SLC4A8: variants seen among roughly 807,000 people sequenced by gnomAD.
The protein encoded by SLC4A8 is solute carrier family 4 member 8, also known as electroneutral sodium bicarbonate exchanger 1.
Under a neutral mutation model 125.0 loss-of-function variants are expected in SLC4A8, and 40 were observed. That is an observed-to-expected ratio of 0.32 (90% CI 0.25 to 0.42). SLC4A8 has a LOEUF of 0.42. Among genes scored for constraint, SLC4A8 ranks in the 10% least tolerant of loss-of-function variants. The pLI is 1.00. For synonymous variants in SLC4A8, 456 were observed against 476.0 expected (o/e 0.96, Z 0.55); for missense variants, 863 against 1,355.1 (o/e 0.64, Z 5.70).
chr12:51,480,620 A>G (rs1189690372), intron 16 of SLC4A8: 1 of 985,402 alleles, frequency 1.0e-6, no homozygotes. Context: ...ATGTGTCAAA[A>G]TTTGTATTTT....
At chr12:51,415,777 A>C (rs1948674483) in intron 1 of SLC4A8, among the ~76,000 whole-genome samples, 1 of 149,458 alleles carries the variant, frequency 6.7e-6, no homozygotes, top group Non-Finnish European at 1.5e-5. Context: ...AGAGAGTGGG[A>C]GGGAGGCGAG....
At chr12:51,480,812 A>G (rs1951007992) in intron 16 of SLC4A8, among the ~76,000 whole-genome samples, 1 of 152,200 alleles carries the variant, frequency 6.6e-6, no homozygotes, top group African/African-American at 2.4e-5. Context: ...TCCTACCTAC[A>G]ATAGAATGTG....
chr12:51,492,511 G>A (rs1008415904), intron 19 of SLC4A8, among the ~76,000 whole-genome samples: 1 of 152,206 alleles, frequency 6.6e-6, no homozygotes, highest in Non-Finnish European at 1.5e-5. Flanking sequence ...CTCCAAGATA[G>A]AACCATGAAG....
rs1948940078 is a variant in SLC4A8, at chr12:51,425,476, G to A, written c.48+441G>A. ...GGGTTTCTGGTTCCTCAGTGGTTCA[G>A]AGGAAAAGCCAGAAAAGACTCTGGA... is the stretch of plus-strand genomic sequence containing the variant. On this transcript the variant is annotated intron_variant, in intron 1 of 24. Coordinates refer to ENST00000453097, the MANE Select transcript of SLC4A8 (RefSeq NM_001039960.3). 4.1e-6 allele frequency: 4 copies of A among 981,550 alleles called. No homozygotes were observed. The South Asian group carries it at 1.8e-4, about 44-fold the overall frequency. 60.8% of individuals were successfully genotyped at this position (981,550 alleles called of 1,614,324 possible). A position where few individuals can be genotyped will look rare whatever the true frequency, so the allele number is the denominator to read the frequency against.
intron 11 of SLC4A8, 83 bp from the exon 12 acceptor site, chr12:51,469,531 T>C: frequency 7.8e-7 from 1 of 1,277,462 alleles, no homozygotes; most frequent in Admixed American, 2.0e-5. Flanking sequence ...AGAGCACATT[T>C]GAAATGCTTT....
chr12:51,457,167 A>G (rs1237871991), intron 5 of SLC4A8, among the ~76,000 whole-genome samples, 184 bp from the exon 6 acceptor site: 1 of 152,216 alleles, frequency 6.6e-6, no homozygotes, highest in Non-Finnish European at 1.5e-5. Context: ...TGAATAAAGT[A>G]TAACTTTTCA....
intron 11 of SLC4A8, 136 bp downstream of exon 11, chr12:51,463,850 C>A: frequency 1.7e-6 from 1 of 603,100 alleles, no homozygotes; most frequent in Non-Finnish European, 3.0e-6. Context: ...TCAAATGGAA[C>A]CACTGACTAG....
At chr12:51,403,530 G>A (rs1948432671) in intron 1 of SLC4A8, among the ~76,000 whole-genome samples, 2 of 152,178 alleles carry the variant, frequency 1.3e-5, no homozygotes, top group Non-Finnish European at 2.9e-5. Flanking sequence ...GGTACATTTA[G>A]GTGGGTGGCT....
chr12:51,482,798 C>A (rs947591031), intron 16 of SLC4A8, among the ~76,000 whole-genome samples: 1 of 152,156 alleles, frequency 6.6e-6, no homozygotes, highest in African/African-American at 2.4e-5. Flanking sequence ...AGAAACAACA[C>A]AAATATTTTT....
chr12:51,498,888 A>AAAAG, intron 22 of SLC4A8, among the ~76,000 whole-genome samples: 1 of 138,304 alleles, frequency 7.2e-6, no homozygotes, highest in East Asian at 2.2e-4. Flanking sequence ...TCAAAAAAAA[A>AAAAG]AAAAAAAAAA....
In SLC4A8 at chr12:51,505,577, T is replaced by C. The variant is rs1214592399; in HGVS notation, c.3174-258T>C. Among the ~76,000 whole-genome samples the C allele has an allele frequency of 2.0e-5, 3 of 152,158 alleles. No homozygotes were observed. In the East Asian group the frequency reaches 5.8e-4, roughly 29 times the overall value. On this transcript the variant is annotated intron_variant, in intron 23 of 24. Transcript: ENST00000453097. ...TGAGGCCCTTCGGAGGAGTGCACAG[T>C]TGTGGGAGCAGGACTGGCTGCCACC... is the stretch of plus-strand genomic sequence containing the variant.
chr12:51,433,685 C>T (rs1257035697), intron 1 of SLC4A8, among the ~76,000 whole-genome samples: 3 of 152,104 alleles, frequency 2.0e-5, no homozygotes, highest in Non-Finnish European at 2.9e-5. Flanking sequence ...CAAGCACAGG[C>T]CAAAGAGACC....
At chr12:51,399,273 G>A (rs920168552) in intron 1 of SLC4A8, among the ~76,000 whole-genome samples, 1 of 152,102 alleles carries the variant, frequency 6.6e-6, no homozygotes, top group Non-Finnish European at 1.5e-5. Flanking sequence ...TAGGTGATAT[G>A]TGCATATGGC....
At chr12:51,485,766 T>C (rs758182868) in intron 16 of SLC4A8, 21 bp from the exon 17 acceptor site, 35 of 1,384,374 alleles carry the variant, frequency 2.5e-5, no homozygotes, top group Non-Finnish European at 3.4e-5. Flanking sequence ...AAAACATGTG[T>C]CCACTTCTTT....
In SLC4A8 at chr12:51,424,868, T is replaced by C. The variant is rs925720987; in HGVS notation, c.-120T>C. The C allele has an allele frequency of 1.8e-6, 2 of 1,123,598 alleles. No individual in the cohort carries two copies. Among genetic ancestry groups the C allele is most frequent in the South Asian group, 1.4e-5 (1 of 71,152 alleles). The allele number at this position is 1,123,598 out of a possible 1,614,324, so 69.6% of individuals were successfully genotyped here. A position where few individuals can be genotyped will look rare whatever the true frequency, so the allele number is the denominator to read the frequency against. ...CTATGGAGGCGGCGGCGGTTGATGG[T>C]TGACCGTTGGCTCCGGGGTGGGGGT... On this transcript the variant is annotated 5_prime_UTR_variant, in exon 1 of 25. Coordinates refer to ENST00000453097, the MANE Select transcript of SLC4A8 (RefSeq NM_001039960.3).
At chr12:51,463,775 G>A in intron 11 of SLC4A8, 61 bp downstream of exon 11, 1 of 1,148,608 alleles carries the variant, frequency 8.7e-7, no homozygotes, top group Non-Finnish European at 1.3e-6. Context: ...GCAAAGGAAT[G>A]AGGCATCTTC....
chr12:51,481,049 G>A (rs1200015715), intron 16 of SLC4A8, among the ~76,000 whole-genome samples: 1 of 152,146 alleles, frequency 6.6e-6, no homozygotes, highest in Non-Finnish European at 1.5e-5. Context: ...TAAACTAGAT[G>A]AGCTCAGAAG....
intron 1 of SLC4A8, among the ~76,000 whole-genome samples, chr12:51,395,091 T>C (rs1948233696): frequency 1.3e-5 from 2 of 151,394 alleles, no homozygotes; most frequent in African/African-American, 2.4e-5. Flanking sequence ...GTAAATGAAA[T>C]GGAAAATAAA....
intron 2 of SLC4A8, chr12:51,441,324 A>G (rs1565778154): frequency 1.8e-6 from 1 of 543,732 alleles, no homozygotes; most frequent in East Asian, 1.5e-4. Flanking sequence ...TCATAACATC[A>G]AAGTTATATA....
Sources: gnomAD v4.1 joint callset for allele counts (sites outside exome capture counted in the v4.1 genomes callset) on GRCh38, gnomAD v4.1.1 for gene constraint, MANE v1.5 for transcripts, NCBI Gene and HGNC (gene_info 2026-07-23, HGNC 2026-07-21) for gene names.